DOCK10: variants seen among roughly 807,000 people sequenced by gnomAD.
DOCK10 encodes the protein dedicator of cytokinesis protein 10.
A neutral mutation model predicts 280.1 loss-of-function variants in DOCK10; 145 were observed. The ratio of observed to expected loss-of-function variants is 0.52; its 90% CI spans 0.45 to 0.59. DOCK10 has a LOEUF of 0.59. DOCK10 is among the 20% of genes least tolerant of loss of function. The pLI is 0.00. For missense variants in DOCK10, 2,368 were observed against 2,651.7 expected, an observed-to-expected ratio of 0.89 and a Z score of 2.35; for synonymous variants, 915 against 942.2, an observed-to-expected ratio of 0.97 and a Z score of 0.53.
chr2:224,864,381 G>C (rs1304581786), intron 13 of DOCK10, among the ~76,000 whole-genome samples, 172 bp downstream of exon 13: 1 of 152,038 alleles, frequency 6.6e-6, no homozygotes, highest in Admixed American at 6.5e-5. Context: ...GTGGTGGCAT[G>C]CACCTCTAAT....
intron 1 of DOCK10, among the ~76,000 whole-genome samples, chr2:224,953,334 T>C (rs1703867475): frequency 6.6e-6 from 1 of 152,254 alleles, no homozygotes; most frequent in Non-Finnish European, 1.5e-5. Context: ...TTTCCCCATT[T>C]GCCTGCAGGT....
intron 1 of DOCK10, among the ~76,000 whole-genome samples, chr2:224,944,875 C>T (rs1470214262): frequency 2.0e-5 from 3 of 152,230 alleles, no homozygotes; most frequent in Non-Finnish European, 4.4e-5. Flanking sequence ...AAGCTAATCA[C>T]TGTATGAATG....
rs1322115546 is a variant in DOCK10 at position 224,841,870 on chromosome 2, T to C, written c.2595A>G (p.Gln865=). Residue 865 remains glutamine (Q), a synonymous_variant, in exon 23 of 56, where the codon CAA becomes CAG. Transcript: ENST00000258390. ...TQDPHVNAFF[Q]ECQKREKDMS... ...TATCTTTCTCTCTTTTTTGGCACTC[T>C]TGGAAAAATGCATTCACATGTGGAT... 1.7e-5 allele frequency: 27 copies of C among 1,613,190 alleles called. No individual in the cohort carries two copies. The highest frequency in any genetic ancestry group is 2.3e-5 in the Non-Finnish European group (27 of 1,179,326).
Position 224,845,576 on chromosome 2 carries a change from T to A in DOCK10, c.2302A>T (p.Thr768Ser). ...HHILFSFYHV[T>S]CDINAKANAK... is the part of the protein sequence containing the mutation. ...TTAGCTTTTGCATTGATGTCACAGGTGACGTGATAAAAAGAAAACAAAATA... is the reference window on the plus strand; with the variant it reads ...TTAGCTTTTGCATTGATGTCACAGGAGACGTGATAAAAAGAAAACAAAATA... The change falls in exon 20 of 56, where the codon ACC becomes TCC. Residue 768 changes from threonine (T) to serine (S), a missense_variant. Physicochemically the swap from Thr to Ser is moderately conservative, Grantham distance 58. Around this residue, in one of 2 missense-constraint regions of DOCK10, gnomAD observed 1,209 missense variants for 1,250.9 expected, o/e 0.97. Coordinates refer to ENST00000258390, the MANE Select transcript of DOCK10 (RefSeq NM_014689.3). 1 of 1,613,492 alleles carries A rather than the reference T, an allele frequency of 6.2e-7. No homozygotes were observed. The highest frequency in any genetic ancestry group is 1.7e-4 in the Middle Eastern group (1 of 6,060).
At chr2:224,889,351 T>C (rs956348936) in intron 4 of DOCK10, among the ~76,000 whole-genome samples, 2 of 152,210 alleles carry the variant, frequency 1.3e-5, no homozygotes, top group Non-Finnish European at 2.9e-5. Flanking sequence ...AAAAGGAACA[T>C]TGGCCTCACT....
intron 11 of DOCK10, among the ~76,000 whole-genome samples, chr2:224,869,923 C>A (rs984226153): frequency 6.6e-6 from 1 of 152,082 alleles, no homozygotes; most frequent in Non-Finnish European, 1.5e-5. Context: ...TAAATATGTT[C>A]TGGGTCAAAA....
intron 45 of DOCK10, among the ~76,000 whole-genome samples, chr2:224,793,763 TAA>T (rs758532326): frequency 1.3e-5 from 2 of 152,218 alleles, no homozygotes; most frequent in Non-Finnish European, 2.9e-5. Flanking sequence ...AAATAAATCA[TAA>T]GTCTCCTTTT....
At chr2:224,791,166 C>T (rs3768882) in intron 47 of DOCK10, among the ~76,000 whole-genome samples, 83,984 of 152,082 alleles carry the variant, frequency 0.55, 24,850 homozygotes, top group East Asian at 0.81. Context: ...CCTGCCTTTA[C>T]TGGTTTTCTT....
intron 2 of DOCK10, among the ~76,000 whole-genome samples, chr2:224,918,652 G>A (rs1242071370): frequency 6.7e-6 from 1 of 150,154 alleles, no homozygotes; most frequent in Non-Finnish European, 1.5e-5. Context: ...TGTGTGTGGT[G>A]TGTATATGGT....
rs562165252 is a variant in DOCK10, at chr2:224,853,144, A to C, written c.1889-22T>G. ...CAATCTTAAAAAATCAGAAAATAAG[A>C]GTTTGTCATTTAATATGGTTCTTTT... On this transcript the variant is annotated intron_variant, in intron 16 of 55. Coordinates refer to ENST00000258390, the MANE Select transcript of DOCK10 (RefSeq NM_014689.3). 4 of 1,539,874 alleles carry C rather than the reference A, an allele frequency of 2.6e-6. No individual in the cohort carries two copies. In the South Asian group the frequency reaches 5.0e-5, roughly 19 times the overall value.
At chr2:224,908,415 TTGTGTGTGTGTG>T (rs57986119) in intron 3 of DOCK10, among the ~76,000 whole-genome samples, 25,905 of 141,054 alleles carry the variant, frequency 0.18, 2,154 homozygotes, top group Non-Finnish European at 0.2. Context: ...TCATCATCGT[TTGTGTGTGTGTG>T]TGTGTGTGTG....
At chr2:224,847,734 A>G (rs1696457719) in intron 19 of DOCK10, among the ~76,000 whole-genome samples, 1 of 152,162 alleles carries the variant, frequency 6.6e-6, no homozygotes, top group East Asian at 1.9e-4. Context: ...ATTAAAGAGC[A>G]CTAAACGCAT....
intron 1 of DOCK10, among the ~76,000 whole-genome samples, chr2:224,995,090 C>T (rs1414645681): frequency 6.6e-6 from 1 of 152,168 alleles, no homozygotes; most frequent in Non-Finnish European, 1.5e-5. Flanking sequence ...TGGGTTTCTC[C>T]ACAGGGTTGC....
chr2:225,014,296 GA>G (rs1255730752), intron 1 of DOCK10, among the ~76,000 whole-genome samples: 1 of 151,750 alleles, frequency 6.6e-6, no homozygotes, highest in Non-Finnish European at 1.5e-5. Flanking sequence ...TGGAGACAAT[GA>G]AAAATTTTTG....
intron 1 of DOCK10, among the ~76,000 whole-genome samples, chr2:224,961,514 AT>A (rs201581266): frequency 1.9e-4 from 15 of 78,706 alleles, no homozygotes; most frequent in East Asian, 3.4e-4. Context: ...TTCTTTCTTC[AT>A]TTTTTTTTTT....
Position 224,800,156 on chromosome 2 carries a change from G to T in DOCK10, c.4501C>A (p.His1501Asn). Reference sequence around the variant, plus strand: ...AATGTTATCATCATATTCACCTGATGAGTCTGTGTGAAGAGGGATAACAGG... The same window carrying T: ...AATGTTATCATCATATTCACCTGATTAGTCTGTGTGAAGAGGGATAACAGG... ...LDLLSLFTQT[H>N]QRQLQQCDCQ... The change falls in exon 41 of 56, where the codon CAT becomes AAT. Residue 1501 changes from histidine to asparagine, a missense_variant. His to Asn is a moderately conservative substitution (Grantham distance 68). This residue lies in a region of DOCK10 where 1,159 missense variants were observed against 1,400.8 expected (regional missense o/e 0.83). Transcript: ENST00000258390. 6.3e-7 allele frequency: 1 copy of T among 1,582,344 alleles called. No individual in the cohort carries two copies. The highest frequency in any genetic ancestry group is 1.1e-5 in the South Asian group (1 of 88,704).
rs147106645 is a variant in DOCK10 at position 224,770,740 on chromosome 2, AC to A, written c.6205-96del. The A allele has an allele frequency of 5.4e-3, 4,637 of 860,808 alleles. 98 individuals are homozygous for A. The highest frequency in any genetic ancestry group is 0.053 in the African/African-American group (3,174 of 60,152). 53.3% of individuals were successfully genotyped at this position (860,808 alleles called of 1,614,324 possible). On this transcript the variant is annotated intron_variant, in intron 53 of 55. Coordinates refer to ENST00000258390, the MANE Select transcript of DOCK10 (RefSeq NM_014689.3). This position sits in a 1 kb window ranked among gnomAD's most constrained non-coding sequence, Gnocchi z 4.5. Reference sequence around the variant, plus strand: ...AGCAACTGTGCACCAATGGTGTGGTACCCCCATCTCACACCCTGCCTTCTAG... The same window carrying A: ...AGCAACTGTGCACCAATGGTGTGGTACCCCATCTCACACCCTGCCTTCTAG...
intron 2 of DOCK10, among the ~76,000 whole-genome samples, chr2:224,930,401 A>G (rs1193428215): frequency 1.3e-5 from 2 of 152,144 alleles, no homozygotes; most frequent in South Asian, 2.1e-4. Flanking sequence ...GTCTCTCTCA[A>G]AATGTGCCAG....
intron 51 of DOCK10, 21 bp downstream of exon 51, chr2:224,778,117 T>C (rs752351947): frequency 1.2e-6 from 2 of 1,609,116 alleles, no homozygotes; most frequent in East Asian, 2.2e-5. Flanking sequence ...AGCACTTGCA[T>C]GAATACTGAT....
Sources: gnomAD v4.1 joint callset for allele counts (sites outside exome capture counted in the v4.1 genomes callset) on GRCh38, gnomAD v4.1.1 for gene constraint, gnomAD v4.1.1 regional missense constraint, Gnocchi (gnomAD v3.1) non-coding constraint, MANE v1.5 for transcripts, NCBI Gene and HGNC (gene_info 2026-07-23, HGNC 2026-07-21) for gene names.